The following MYO16 variants were observed in gnomAD, a reference collection of about 807,000 sequenced individuals.
The protein encoded by MYO16 is myosin XVI, also known as unconventional myosin-XVI.
A neutral mutation model predicts 205.3 loss-of-function variants in MYO16; 94 were observed. The ratio of observed to expected loss-of-function variants is 0.46; its 90% CI spans 0.39 to 0.54. The LOEUF (loss-of-function observed/expected upper bound fraction) is 0.54, where lower values mean the gene tolerates loss of function less well. MYO16 is among the 20% of genes least tolerant of loss of function. MYO16 has a pLI of 0.00. For synonymous variants in MYO16, 988 were observed against 954.0 expected, an observed-to-expected ratio of 1.04 and a Z score of -0.66; for missense variants, 2,315 against 2,387.5, an observed-to-expected ratio of 0.97 and a Z score of 0.63.
intron 9 of MYO16, among the ~76,000 whole-genome samples, chr13:108,827,821 T>C (rs1477221654): frequency 6.6e-6 from 1 of 152,180 alleles, no homozygotes; most frequent in African/African-American, 2.4e-5. Flanking sequence ...CTGCTGAATA[T>C]GCCCTTTAGC....
intron 4 of MYO16, among the ~76,000 whole-genome samples, chr13:108,744,243 T>G (rs891836704): frequency 2.6e-5 from 4 of 151,124 alleles, no homozygotes; most frequent in African/African-American, 7.3e-5. Context: ...TTTTTCCTAT[T>G]TATTTGCTGC....
Position 109,141,331 on chromosome 13 carries a change from G to T in MYO16, c.5119G>T (p.Val1707Leu). The T allele has an allele frequency of 6.4e-7, 1 of 1,565,432 alleles. No homozygotes were observed. The part of the protein sequence containing the change: ...LASLFNSGRS[V>L]LRKSAAGRKI... ...CAGCCTCTTCAACTCGGGGAGGAGT[G>T]TGCTTCGGAAATCCGCGGCGGGAAG... Residue 1707 changes from valine to leucine, a missense_variant, in exon 32 of 35, where the codon GTG (valine) becomes TTG (leucine). Coordinates refer to ENST00000457511, the MANE Select transcript of MYO16 (RefSeq NM_001198950.3). The surrounding 1 kb of genome is among the most constrained non-coding windows in gnomAD (Gnocchi z 4.1).
the MYO16 span, among the ~76,000 whole-genome samples, chr13:108,496,383 T>C: frequency 6.6e-6 from 1 of 152,102 alleles, no homozygotes; most frequent in African/African-American, 2.4e-5. Context: ...CTCTGTTTCT[T>C]TGGGGATGGA....
At chr13:108,699,595 T>C (rs938655060) in intron 2 of MYO16, among the ~76,000 whole-genome samples, 1 of 152,200 alleles carries the variant, frequency 6.6e-6, no homozygotes, top group African/African-American at 2.4e-5. Context: ...AAGTTTATGA[T>C]GTTATAATAC....
intron 9 of MYO16, among the ~76,000 whole-genome samples, chr13:108,839,238 C>CCA (rs1877106075): frequency 6.6e-6 from 1 of 152,010 alleles, no homozygotes; most frequent in African/African-American, 2.4e-5. Flanking sequence ...ACCCAATAAT[C>CCA]TATTAATCCA....
At chr13:108,544,150 A>C in the MYO16 span, among the ~76,000 whole-genome samples, 1 of 150,732 alleles carries the variant, frequency 6.6e-6, no homozygotes, top group Middle Eastern at 3.2e-3. Flanking sequence ...TTAGATATTT[A>C]CTGTTTTTAA....
chr13:109,206,632 A>G lies in MYO16; in HGVS notation c.5439A>G (p.Ser1813=). 6.2e-7 allele frequency: 1 copy of G among 1,613,528 alleles called. No individual in the cohort carries two copies. The highest frequency in any genetic ancestry group is 8.5e-7 in the Non-Finnish European group (1 of 1,179,486). The change falls in exon 35 of 35, where the codon TCA becomes TCG. Residue 1813 remains serine (S), a synonymous_variant. Coordinates refer to ENST00000457511, the MANE Select transcript of MYO16 (RefSeq NM_001198950.3). ...TTQVIHQLRL[S]ENESVALQEL... is the part of the protein sequence containing the mutation. ...AGGTAATCCATCAGCTGAGGCTCTC[A>G]GAGAATGAAAGTGTGGCCCTGCAGG...
intron 4 of MYO16, among the ~76,000 whole-genome samples, chr13:108,757,892 G>C (rs555684723): frequency 1.3e-5 from 2 of 152,138 alleles, no homozygotes; most frequent in East Asian, 3.8e-4. Flanking sequence ...ATATGTATGC[G>C]ACACAATGCC....
At chr13:108,525,993 A>G in the MYO16 span, among the ~76,000 whole-genome samples, 7 of 149,978 alleles carry the variant, frequency 4.7e-5, no homozygotes, top group African/African-American at 1.7e-4. Flanking sequence ...GAAAGACACC[A>G]GCTGGTGAAT....
chr13:108,840,052 A>G (rs1191132035), intron 9 of MYO16, among the ~76,000 whole-genome samples: 1 of 152,204 alleles, frequency 6.6e-6, no homozygotes, highest in African/African-American at 2.4e-5. Context: ...CAGAATGGCT[A>G]CATAACTCAC....
chr13:108,887,713 C>G (rs552448919), intron 13 of MYO16, among the ~76,000 whole-genome samples: 2 of 152,068 alleles, frequency 1.3e-5, no homozygotes, highest in Admixed American at 6.6e-5. Flanking sequence ...AAAAGGAAAC[C>G]TAAGCAGGTC....
chr13:108,802,886 G>C (rs535873099), intron 6 of MYO16, among the ~76,000 whole-genome samples: 1 of 152,184 alleles, frequency 6.6e-6, no homozygotes, highest in Non-Finnish European at 1.5e-5. Flanking sequence ...ATAAATGTCT[G>C]TTCAAGTCCT....
At chr13:108,875,281 A>G (rs1487248347) in intron 12 of MYO16, among the ~76,000 whole-genome samples, 1 of 152,126 alleles carries the variant, frequency 6.6e-6, no homozygotes, top group African/African-American at 2.4e-5. Flanking sequence ...TCTGGCCCTG[A>G]TGATATTCGC....
upstream of MYO16, among the ~76,000 whole-genome samples, chr13:108,627,047 A>C (rs2139345878): frequency 6.7e-6 from 1 of 149,334 alleles, no homozygotes; most frequent in East Asian, 2.0e-4. Context: ...TGAGTTTCTC[A>C]GGGATGGATA....
At chr13:108,523,616 G>A in the MYO16 span, among the ~76,000 whole-genome samples, 4 of 152,134 alleles carry the variant, frequency 2.6e-5, no homozygotes, top group Non-Finnish European at 4.4e-5. Context: ...CCTGGCCTGA[G>A]CCTCCCTTTC....
chr13:109,170,584 C>T (rs930841080), intron 33 of MYO16, among the ~76,000 whole-genome samples: 7 of 151,786 alleles, frequency 4.6e-5, no homozygotes, highest in African/African-American at 1.7e-4. Context: ...GGGAACTTCT[C>T]TTCACCAAAA....
intron 2 of MYO16, among the ~76,000 whole-genome samples, chr13:108,696,823 TG>T (rs1566556014): frequency 6.6e-6 from 1 of 152,196 alleles, no homozygotes; most frequent in Non-Finnish European, 1.5e-5. Context: ...CCTACCTGTG[TG>T]GGCCTCATTC....
chr13:109,037,120 T>C (rs7997784), intron 23 of MYO16, among the ~76,000 whole-genome samples: 86,198 of 152,096 alleles, frequency 0.57, 24,906 homozygotes, highest in East Asian at 0.84. Flanking sequence ...AGTTTCTCCT[T>C]AGTGCTTTTT....
chr13:109,183,518 A>G (rs976889461), intron 34 of MYO16, among the ~76,000 whole-genome samples: 1 of 152,158 alleles, frequency 6.6e-6, no homozygotes, highest in African/African-American at 2.4e-5. Flanking sequence ...GAGCTGTTTA[A>G]TTGTTTCATT....
Sources: gnomAD v4.1 joint callset for allele counts (sites outside exome capture counted in the v4.1 genomes callset) on GRCh38, gnomAD v4.1.1 for gene constraint, Gnocchi (gnomAD v3.1) non-coding constraint, MANE v1.5 for transcripts, NCBI Gene and HGNC (gene_info 2026-07-23, HGNC 2026-07-21) for gene names.